The following LINC00305 variants were observed in gnomAD, a reference collection of about 807,000 sequenced individuals.
LINC00305 encodes long intergenic non-protein coding RNA 305.
At chr18:64,081,698 T>C (rs1262292315) in intron 3 of LINC00305, among the ~76,000 whole-genome samples, 2 of 152,214 alleles carry the variant, frequency 1.3e-5, no homozygotes, top group Non-Finnish European at 1.5e-5. Context: ...ATTTGAGTAG[T>C]TAAGTACTTA....
chr18:64,123,454 A>G (rs182252079), intron 1 of LINC00305, among the ~76,000 whole-genome samples: 5 of 152,056 alleles, frequency 3.3e-5, no homozygotes, highest in Non-Finnish European at 4.4e-5. Context: ...TGGCCTTCCT[A>G]TGCCACCAGG....
chr18:64,100,250 C>T (rs746550304), intron 1 of LINC00305, among the ~76,000 whole-genome samples: 4 of 152,012 alleles, frequency 2.6e-5, no homozygotes, highest in Non-Finnish European at 5.9e-5. Context: ...AAGTAGTTTG[C>T]TCTGTGTGAT....
chr18:64,131,514 G>A (rs2051409787), intron 1 of LINC00305, among the ~76,000 whole-genome samples: 1 of 152,192 alleles, frequency 6.6e-6, no homozygotes, highest in East Asian at 1.9e-4. Flanking sequence ...TTATGTCAGA[G>A]GAAAGTGCCT....
chr18:64,137,869 C>CAA (rs1450394398), intron 1 of LINC00305, among the ~76,000 whole-genome samples: 1 of 151,772 alleles, frequency 6.6e-6, no homozygotes, highest in East Asian at 1.9e-4. Context: ...CACACACACA[C>CAA]AATATAAATC....
chr18:64,130,043 C>T lies in LINC00305; in HGVS notation n.314+18732G>A, dbSNP rs1555668248. ...ATGTGCACAACGTGCAGGTTTGTTACATATGTATACATGTGCCATGTTGGT... is the reference window on the plus strand; with the variant it reads ...ATGTGCACAACGTGCAGGTTTGTTATATATGTATACATGTGCCATGTTGGT... On this transcript the variant is annotated intron_variant and non_coding_transcript_variant, in intron 1 of 3. Transcript: ENST00000666468. 2.6e-5 allele frequency among the ~76,000 whole-genome samples: 4 copies of T among 151,142 alleles called. No homozygotes were observed. In the South Asian group the frequency reaches 6.3e-4, roughly 24 times the overall value.
intron 2 of LINC00305, among the ~76,000 whole-genome samples, chr18:64,098,368 T>G (rs184366777): frequency 1.3e-5 from 2 of 152,310 alleles, no homozygotes; most frequent in African/African-American, 4.8e-5. Flanking sequence ...GGAGGATAAT[T>G]CTTTTTTAAT....
chr18:64,096,394 G>T (rs1165543073), intron 3 of LINC00305, among the ~76,000 whole-genome samples: 3 of 151,606 alleles, frequency 2.0e-5, no homozygotes, highest in African/African-American at 7.3e-5. Context: ...TGAAAAACAG[G>T]GATAATAAAA....
At chr18:64,143,493 G>A (rs72949554) in intron 1 of LINC00305, among the ~76,000 whole-genome samples, 21 of 139,596 alleles carry the variant, frequency 1.5e-4, no homozygotes, top group Middle Eastern at 3.6e-3. Flanking sequence ...GTGTGTGTGT[G>A]TATATATATA....
rs17724141 is a variant in LINC00305 at position 64,142,313 on chromosome 18, G to A, written n.314+6462C>T. ...AAGAATGTAGATTCTCTTTTACCTG[G>A]AGAGGGATAGATAGATGCAGTGGAG... On this transcript the variant is annotated intron_variant and non_coding_transcript_variant, in intron 1 of 3. Transcript: ENST00000666468. 7.9e-3 allele frequency among the ~76,000 whole-genome samples: 1,210 copies of A among 152,294 alleles called. 14 individuals carry two copies. The highest frequency in any genetic ancestry group is 0.031 in the Admixed American group (476 of 15,294).
intron 1 of LINC00305, among the ~76,000 whole-genome samples, chr18:64,123,367 CT>C (rs1235226448): frequency 6.6e-6 from 1 of 152,098 alleles, no homozygotes; most frequent in African/African-American, 2.4e-5. Context: ...GAATTATCTT[CT>C]GATAATGCAC....
At chr18:64,082,443 A>C (rs974740014) in intron 3 of LINC00305, among the ~76,000 whole-genome samples, 3 of 152,182 alleles carry the variant, frequency 2.0e-5, no homozygotes, top group Admixed American at 6.5e-5. Flanking sequence ...TTTGAGTAAC[A>C]AAACTCCAGT....
chr18:64,140,174 C>T (rs1017745677), intron 1 of LINC00305, among the ~76,000 whole-genome samples: 10 of 151,934 alleles, frequency 6.6e-5, no homozygotes, highest in African/African-American at 2.2e-4. Flanking sequence ...AATTACCTTG[C>T]GTTCCTCCTC....
intron 1 of LINC00305, among the ~76,000 whole-genome samples, chr18:64,120,997 A>T (rs1242324092): frequency 6.6e-6 from 1 of 152,064 alleles, no homozygotes; most frequent in African/African-American, 2.4e-5. Flanking sequence ...AAACTTTAAA[A>T]TTTTTTTATT....
At chr18:64,113,409 T>C (rs182533677) in intron 1 of LINC00305, among the ~76,000 whole-genome samples, 1 of 152,338 alleles carries the variant, frequency 6.6e-6, no homozygotes, top group Admixed American at 6.5e-5. Flanking sequence ...GAGCTATAAA[T>C]TATTTAATTA....
chr18:64,131,128 T>C (rs2051407992), intron 1 of LINC00305, among the ~76,000 whole-genome samples: 1 of 152,186 alleles, frequency 6.6e-6, no homozygotes, highest in Non-Finnish European at 1.5e-5. Flanking sequence ...GCTACAAAAA[T>C]GTGAGATCTT....
At chr18:64,131,775 AC>A (rs2051411022) in intron 1 of LINC00305, among the ~76,000 whole-genome samples, 1 of 152,156 alleles carries the variant, frequency 6.6e-6, no homozygotes, top group Non-Finnish European at 1.5e-5. Flanking sequence ...AAGCAGGCAA[AC>A]CCGAGAACAA....
intron 1 of LINC00305, among the ~76,000 whole-genome samples, chr18:64,106,336 G>A (rs2051290582): frequency 6.6e-6 from 1 of 152,176 alleles, no homozygotes; most frequent in Admixed American, 6.5e-5. Context: ...GGCTGAGATT[G>A]TGCCTACGCT....
intron 1 of LINC00305, among the ~76,000 whole-genome samples, chr18:64,131,378 C>T (rs2051409252): frequency 6.6e-6 from 1 of 152,124 alleles, no homozygotes; most frequent in South Asian, 2.1e-4. Flanking sequence ...GCTTATGTGA[C>T]ATCTGTTGAG....
chr18:64,115,840 G>C (rs2051335167), intron 1 of LINC00305, among the ~76,000 whole-genome samples: 1 of 152,128 alleles, frequency 6.6e-6, no homozygotes, highest in South Asian at 2.1e-4. Flanking sequence ...TCTTTCTCAA[G>C]GATCTGGGAG....
Sources: gnomAD v4.1 joint callset for allele counts (sites outside exome capture counted in the v4.1 genomes callset) on GRCh38, gnomAD v4.1.1 for gene constraint, MANE v1.5 for transcripts, NCBI Gene and HGNC (gene_info 2026-07-23, HGNC 2026-07-21) for gene names.